The following CWC22 variants were observed in gnomAD, a reference collection of about 807,000 sequenced individuals.
CWC22 encodes the protein pre-mRNA-splicing factor CWC22 homolog.
In CWC22, 53 loss-of-function variants were observed where a neutral mutation model predicts 117.2. The observed-to-expected ratio is 0.45, with a 90% CI of 0.36 to 0.57. The LOEUF (loss-of-function observed/expected upper bound fraction) is 0.57, where lower values mean the gene tolerates loss of function less well. CWC22 is among the 20% of genes least tolerant of loss of function. CWC22 has a pLI of 0.00. For missense variants in CWC22, 980 were observed against 1,068.8 expected, an observed-to-expected ratio of 0.92 and a Z score of 1.16; for synonymous variants, 360 against 355.6, an observed-to-expected ratio of 1.01 and a Z score of -0.14.
intron 19 of CWC22, among the ~76,000 whole-genome samples, chr2:179,948,702 G>A (rs1452812667): frequency 6.6e-6 from 1 of 151,922 alleles, no homozygotes; most frequent in Admixed American, 6.6e-5. Flanking sequence ...TGAGGGACAG[G>A]TTACAAAATA....
chr2:179,971,075 G>A lies in CWC22; in HGVS notation c.806C>T (p.Ala269Val), dbSNP rs1266763849. The change falls in exon 9 of 20, where the codon GCA becomes GTA. Residue 269 changes from alanine (A) to valine (V), a missense_variant and splice_region_variant. This residue lies in a region of CWC22 where 559 missense variants were observed against 602.3 expected (regional missense o/e 0.93). Transcript: ENST00000410053. ...CATCTCTAAGCATAATACTTCGTGT[G>A]CCTTAAATAAAATACATATACAAGG... ...FVAHLINQNV[A>V]HEVLCLEMLT... The A allele has an allele frequency of 6.5e-7, 1 of 1,547,538 alleles. No homozygotes were observed. The highest frequency in any genetic ancestry group is 2.1e-5 in the Admixed American group (1 of 48,404).
chr2:179,995,103 G>A (rs1192283688), intron 1 of CWC22, among the ~76,000 whole-genome samples: 1 of 152,210 alleles, frequency 6.6e-6, no homozygotes, highest in Non-Finnish European at 1.5e-5. Flanking sequence ...GGGCAACAGA[G>A]TGAGACTTCG....
chr2:179,999,875 A>C (rs965015489), intron 1 of CWC22, among the ~76,000 whole-genome samples: 1 of 152,206 alleles, frequency 6.6e-6, no homozygotes, highest in Non-Finnish European at 1.5e-5. Context: ...ATATTATACA[A>C]TACAAAATAA....
chr2:180,005,903 T>G (rs1255245654), intron 1 of CWC22, among the ~76,000 whole-genome samples: 4 of 152,208 alleles, frequency 2.6e-5, no homozygotes, highest in African/African-American at 9.7e-5. Context: ...AACAGAAATC[T>G]TTGGTCTACT....
chr2:180,001,869 T>C (rs756956330), intron 1 of CWC22, among the ~76,000 whole-genome samples: 5 of 152,240 alleles, frequency 3.3e-5, no homozygotes, highest in East Asian at 1.9e-4. Context: ...ATATTTACTA[T>C]GCCTGAGAGT....
chr2:179,983,680 G>C (rs556521480), intron 4 of CWC22, among the ~76,000 whole-genome samples: 1 of 152,206 alleles, frequency 6.6e-6, no homozygotes, highest in Non-Finnish European at 1.5e-5. Flanking sequence ...AGGTATAAGA[G>C]ACTTAAATGA....
rs147916738 is a variant in CWC22, at chr2:180,005,782, T to C, written c.-114+1085A>G. Among the ~76,000 whole-genome samples, 888 of 152,270 alleles carry C rather than the reference T, an allele frequency of 5.8e-3. 8 individuals are homozygous for C. Among genetic ancestry groups the C allele is most frequent in the African/African-American group, 0.02 (819 of 41,552 alleles). Reference sequence around the variant, plus strand: ...TTTCTTTATACTCAAAAAAAGACAATACAGTGAGGCAGGTATTGTATTACT... The same window carrying C: ...TTTCTTTATACTCAAAAAAAGACAACACAGTGAGGCAGGTATTGTATTACT... On this transcript the variant is annotated intron_variant, in intron 1 of 19. Transcript: ENST00000410053.
Position 179,956,143 on chromosome 2 carries a change from A to T in CWC22, c.1459-1109T>A, listed in dbSNP as rs895731993. Reference sequence around the variant, plus strand: ...CCTAACTAAAAATAGTAAATATTTTAAAAAATTATATAATTAAGTATTTAC... The same window carrying T: ...CCTAACTAAAAATAGTAAATATTTTTAAAAATTATATAATTAAGTATTTAC... On this transcript the variant is annotated intron_variant, in intron 14 of 19. Coordinates refer to ENST00000410053, the MANE Select transcript of CWC22 (RefSeq NM_020943.3). 8.6e-4 allele frequency among the ~76,000 whole-genome samples: 130 copies of T among 151,954 alleles called. 1 individual carries two copies. The highest frequency in any genetic ancestry group is 1.3e-3 in the Non-Finnish European group (88 of 67,882).
chr2:179,993,387 G>A lies in CWC22; in HGVS notation c.-46C>T. 1 of 1,440,106 alleles carries A rather than the reference G, an allele frequency of 6.9e-7. No homozygotes were observed. Among genetic ancestry groups the A allele is most frequent in the Non-Finnish European group, 9.6e-7 (1 of 1,043,844 alleles). 89.2% of individuals were successfully genotyped at this position (1,440,106 alleles called of 1,614,324 possible). A position where few individuals can be genotyped will look rare whatever the true frequency, so the allele number is the denominator to read the frequency against. ...AATAAATCAAAGATGCTTCAAACTG[G>A]TCCAAATAACAAGTACCCAATGCTC... On this transcript the variant is annotated 5_prime_UTR_variant, in exon 2 of 20. Coordinates refer to ENST00000410053, the MANE Select transcript of CWC22 (RefSeq NM_020943.3).
chr2:179,955,880 C>T (rs1686577907), intron 14 of CWC22, among the ~76,000 whole-genome samples: 1 of 151,732 alleles, frequency 6.6e-6, no homozygotes, highest in Non-Finnish European at 1.5e-5. Flanking sequence ...ACTCAAGCAA[C>T]ATAAGGTGAA....
intron 19 of CWC22, among the ~76,000 whole-genome samples, chr2:179,949,357 A>T (rs1392099581): frequency 6.6e-6 from 1 of 152,234 alleles, no homozygotes; most frequent in Non-Finnish European, 1.5e-5. Flanking sequence ...TAACTAAAAA[A>T]AATTGGTAAA....
chr2:179,993,528 A>G, intron 1 of CWC22, 74 bp from the exon 2 acceptor site: 1 of 542,984 alleles, frequency 1.8e-6, no homozygotes, highest in Non-Finnish European at 3.3e-6. Context: ...TTTTCTATAC[A>G]ATGGACATTT....
chr2:179,948,904 C>T (rs1686376307), intron 19 of CWC22, among the ~76,000 whole-genome samples: 1 of 152,162 alleles, frequency 6.6e-6, no homozygotes, highest in Non-Finnish European at 1.5e-5. Context: ...TGTTCCAATG[C>T]TAATTTCCTA....
intron 1 of CWC22, among the ~76,000 whole-genome samples, chr2:179,998,628 A>G (rs1045434437): frequency 2.0e-5 from 3 of 152,134 alleles, no homozygotes; most frequent in Non-Finnish European, 4.4e-5. Context: ...CTATACAGAA[A>G]ATTATCCTAG....
chr2:179,992,545 T>C (rs7582891), intron 2 of CWC22, among the ~76,000 whole-genome samples: 1 of 152,154 alleles, frequency 6.6e-6, no homozygotes, highest in African/African-American at 2.4e-5. Context: ...CCCCTACCCT[T>C]TTCTACTTCT....
chr2:179,998,892 C>T (rs946518914), intron 1 of CWC22, among the ~76,000 whole-genome samples: 4 of 152,152 alleles, frequency 2.6e-5, no homozygotes, highest in African/African-American at 7.2e-5. Flanking sequence ...TTCCTCTTCC[C>T]AACCTACTTA....
intron 14 of CWC22, among the ~76,000 whole-genome samples, chr2:179,955,520 C>T (rs570251576): frequency 6.6e-5 from 10 of 152,048 alleles, no homozygotes; most frequent in African/African-American, 2.4e-4. Context: ...GTAGGTACAA[C>T]TTCAACGTTA....
chr2:179,986,557 G>A (rs1166669531), intron 4 of CWC22, 138 bp downstream of exon 4: 12 of 527,502 alleles, frequency 2.3e-5, no homozygotes, highest in Non-Finnish European at 3.7e-5. Flanking sequence ...TTCATATAAA[G>A]CCCTTATTAG....
chr2:179,987,270 T>C (rs1217528813), intron 3 of CWC22, among the ~76,000 whole-genome samples: 1 of 152,140 alleles, frequency 6.6e-6, no homozygotes, highest in East Asian at 1.9e-4. Context: ...AATGCATTAC[T>C]GGACAGCAAT....
Sources: allele counts gnomAD v4.1 joint callset (sites outside exome capture counted in the v4.1 genomes callset), GRCh38; gene constraint gnomAD v4.1.1; regional missense constraint gnomAD v4.1.1; transcripts MANE v1.5; gene names NCBI Gene and HGNC (gene_info 2026-07-23, HGNC 2026-07-21).